Variants in KMT2D observed in about 807,000 individuals in gnomAD.
KMT2D encodes the protein lysine methyltransferase 2D.
Under a neutral mutation model 512.7 loss-of-function variants are expected in KMT2D, and 55 were observed. The observed-to-expected ratio is 0.11, with a 90% confidence interval of 0.09 to 0.13. The LOEUF (loss-of-function observed/expected upper bound fraction) is 0.13. KMT2D is among the 10% of genes least tolerant of loss of function. KMT2D has a pLI of 1.00. For missense variants in KMT2D, 6,061 were observed against 7,127.9 expected, an observed-to-expected ratio of 0.85 and a Z score of 5.39; for synonymous variants, 2,995 against 2,904.0, an observed-to-expected ratio of 1.03 and a Z score of -1.01.
At chr12:49,055,930 G>A (rs1202850962) in intron 1 of KMT2D, among the ~76,000 whole-genome samples, 7 of 152,134 alleles carry the variant, frequency 4.6e-5, no homozygotes, top group Non-Finnish European at 5.9e-5. Flanking sequence ...TTGTTTCTAC[G>A]AGGACATCAC....
In KMT2D at chr12:49,038,463, T is replaced by G. The variant is rs2120498113; in HGVS notation, c.8893A>C (p.Asn2965His). ...AGCTCAGTGCTCGACGGGGGCCGGTTGACCAGCTCCAAACCAGTTGGCAGG... is the reference window on the plus strand; with the variant it reads ...AGCTCAGTGCTCGACGGGGGCCGGTGGACCAGCTCCAAACCAGTTGGCAGG... ...PTLPTGLELV[N>H]RPPSSTELGR... Residue 2965 changes from asparagine to histidine, a missense_variant, in exon 35 of 55, where the codon AAC becomes CAC. Coordinates refer to ENST00000301067, the MANE Select transcript of KMT2D (RefSeq NM_003482.4). The surrounding 1 kb of genome is among the most constrained non-coding windows in gnomAD (Gnocchi z 5.7). 1 of 1,608,658 alleles carries G rather than the reference T, an allele frequency of 6.2e-7. No individual in the cohort carries two copies. The highest frequency in any genetic ancestry group is 8.5e-7 in the Non-Finnish European group (1 of 1,176,356).
At position 49,033,403 on chromosome 12, in the gene KMT2D, C is replaced by A; in HGVS notation, c.11302G>T (p.Ala3768Ser). 1 of 1,573,324 alleles carries A rather than the reference C, an allele frequency of 6.4e-7. No individual in the cohort carries two copies. Among genetic ancestry groups the A allele is most frequent in the Non-Finnish European group, 8.6e-7 (1 of 1,159,410 alleles). The change falls in exon 40 of 55, where the codon GCT becomes TCT. Residue 3768 changes from alanine (A) to serine (S), a missense_variant. Ala to Ser is a moderately conservative substitution (Grantham distance 99). Coordinates refer to ENST00000301067, the MANE Select transcript of KMT2D (RefSeq NM_003482.4). ...AGGCCCTGGGGCTTGGGACCCAGAG[C>A]TTGGTTTGTCTGTACTCCAGGACCC... ...QQGPGVQTNQ[A>S]LGPKPQGLMP...
In KMT2D at chr12:49,050,510, T is replaced by A. The variant is rs2120651709; in HGVS notation, c.3078A>T (p.Pro1026=). ...GGGGAACCAGGGAATGCTGAAGGAG[T>A]GGCGAACACTGAGGAGGAAGGGGCT... ...LMEPLPPQCS[P]LLQHSLVPQN... is the part of the protein sequence containing the mutation. Residue 1026 remains proline, a synonymous_variant, in exon 12 of 55, where the codon CCA becomes CCT. Transcript: ENST00000301067. 6.2e-7 allele frequency: 1 copy of A among 1,610,188 alleles called. No homozygotes were observed. The highest frequency in any genetic ancestry group is 1.1e-5 in the South Asian group (1 of 90,944).
rs1259379758 is a variant in KMT2D, at chr12:49,021,578, TGGG to T, written c.*199_*201del. On this transcript the variant is annotated 3_prime_UTR_variant, in exon 55 of 55. Coordinates refer to ENST00000301067, the MANE Select transcript of KMT2D (RefSeq NM_003482.4). The stretch of plus-strand genomic sequence containing the variant: ...GAGATGCCAGCCTGAGGGCCGGTGG[TGGG>T]GAAGAGGATTGTCCCTGGTGCCCAG... The T allele has an allele frequency of 5.4e-6, 3 of 560,114 alleles. No homozygotes were observed. In the East Asian group the frequency reaches 8.7e-5, roughly 16 times the overall value. The allele number at this position is 560,114 out of a possible 1,614,324, so 34.7% of individuals were successfully genotyped here. A position where few individuals can be genotyped will look rare whatever the true frequency, so the allele number is the denominator to read the frequency against.
rs531361015 is a variant in KMT2D at position 49,024,945 on chromosome 12, G to A, written c.15786C>T (p.Ala5262=). The change falls in exon 50 of 55, where the codon GCC becomes GCT. Residue 5262 remains alanine, a splice_region_variant and synonymous_variant. Transcript: ENST00000301067. This position sits in a 1 kb window ranked among gnomAD's most constrained non-coding sequence, Gnocchi z 4.5. ...DLVFTDASPQ[A]VWNRIIEPVA... The stretch of plus-strand genomic sequence containing the variant: ...CAGGCTCAATGATGCGATTCCACAC[G>A]GCTAAGAAGCAGGGAAGAGAGCAGT... The A allele has an allele frequency of 1.6e-5, 25 of 1,589,984 alleles. No individual in the cohort carries two copies. Among genetic ancestry groups the A allele is most frequent in the South Asian group, 8.0e-5 (7 of 87,286 alleles).
chr12:49,029,668 G>GTT (rs796401408), intron 43 of KMT2D, among the ~76,000 whole-genome samples, 192 bp from the exon 44 acceptor site: 1 of 117,438 alleles, frequency 8.5e-6, no homozygotes, highest in Admixed American at 9.6e-5. Flanking sequence ...GTTGTTTTTT[G>GTT]TTTTTTTTGT....
Position 49,031,494 on chromosome 12 carries a change from C to T in KMT2D, c.13211G>A (p.Gly4404Glu), listed in dbSNP as rs1942908145. ...LVPGHLDQVN[G>E]QVVPEASQLS... ...TTGGGATGCCTCAGGCACCACCTGT[C>T]CATTCACCTGGTCCAGATGCCCAGG... Residue 4404 changes from glycine (G) to glutamate (E), a missense_variant, in exon 40 of 55, where the codon GGA (glycine) becomes GAA (glutamate). By Grantham distance (98) the Gly-to-Glu change is moderately conservative. Around this residue, in one of 16 missense-constraint regions of KMT2D, gnomAD observed 1,600 missense variants for 1,754.9 expected, o/e 0.91. Transcript: ENST00000301067. The T allele has an allele frequency of 6.2e-7, 1 of 1,613,094 alleles. No homozygotes were observed. The highest frequency in any genetic ancestry group is 8.5e-7 in the Non-Finnish European group (1 of 1,179,656).
chr12:49,048,620 T>A (rs751121722), intron 14 of KMT2D, 39 bp downstream of exon 14: 1 of 1,343,096 alleles, frequency 7.4e-7, no homozygotes, highest in Admixed American at 1.7e-5. Flanking sequence ...AACACACACA[T>A]ACACAATGTT....
In KMT2D at chr12:49,021,596, C is replaced by T. The variant is rs1294057876; in HGVS notation, c.*184G>A. The T allele has an allele frequency of 1.7e-6, 1 of 585,738 alleles. No individual in the cohort carries two copies. Among genetic ancestry groups the T allele is most frequent in the East Asian group, 2.8e-5 (1 of 35,558 alleles). 36.3% of individuals were successfully genotyped at this position (585,738 alleles called of 1,614,324 possible). A position where few individuals can be genotyped will look rare whatever the true frequency, so the allele number is the denominator to read the frequency against. On this transcript the variant is annotated 3_prime_UTR_variant, in exon 55 of 55. Coordinates refer to ENST00000301067, the MANE Select transcript of KMT2D (RefSeq NM_003482.4). ...CCGGTGGTGGGGAAGAGGATTGTCC[C>T]TGGTGCCCAGGGTGGGCTTGGCCTA...
In KMT2D at chr12:49,038,460, G is replaced by A. The variant is rs970105771; in HGVS notation, c.8896C>T (p.Arg2966Trp). The change falls in exon 35 of 55, where the codon CGG (arginine) becomes TGG (tryptophan). Residue 2966 changes from arginine (R) to tryptophan (W), a missense_variant. Arg to Trp is a moderately radical substitution (Grantham distance 101). Around this residue, in one of 16 missense-constraint regions of KMT2D, gnomAD observed 527 missense variants for 578.9 expected, o/e 0.91. Transcript: ENST00000301067. The surrounding 1 kb of genome is among the most constrained non-coding windows in gnomAD (Gnocchi z 5.7). The stretch of plus-strand genomic sequence containing the variant: ...CCAAGCTCAGTGCTCGACGGGGGCC[G>A]GTTGACCAGCTCCAAACCAGTTGGC... ...TLPTGLELVN[R>W]PPSSTELGRP... The A allele has an allele frequency of 4.4e-6, 7 of 1,608,574 alleles. No homozygotes were observed. The highest frequency in any genetic ancestry group is 2.7e-5 in the African/African-American group (2 of 74,732).
At position 49,039,439 on chromosome 12, in the gene KMT2D, G is replaced by A; in HGVS notation, c.8225C>T (p.Thr2742Ile). ...LSRGQTPFAG[T>I]QDKSSLVGLP... is the part of the protein sequence containing the mutation. Reference sequence around the variant, plus strand: ...ATCCCTTGCCACTCTACCTACCTGTGTCCCAGCAAAGGGGGTCTGGCCTCG... The same window carrying A: ...ATCCCTTGCCACTCTACCTACCTGTATCCCAGCAAAGGGGGTCTGGCCTCG... Residue 2742 changes from threonine (T) to isoleucine (I), a missense_variant, in exon 33 of 55, where the codon ACA becomes ATA. Physicochemically the swap from Thr to Ile is moderately conservative, Grantham distance 89. Coordinates refer to ENST00000301067, the MANE Select transcript of KMT2D (RefSeq NM_003482.4). The surrounding 1 kb of genome is among the most constrained non-coding windows in gnomAD (Gnocchi z 5.0). 6.3e-7 allele frequency: 1 copy of A among 1,599,700 alleles called. No individual in the cohort carries two copies. The highest frequency in any genetic ancestry group is 8.5e-7 in the Non-Finnish European group (1 of 1,171,660).
Position 49,060,396 on chromosome 12 carries a change from G to A in KMT2D, c.-821C>T, listed in dbSNP as rs1938679243. 6.6e-6 allele frequency among the ~76,000 whole-genome samples: 1 copy of A among 151,954 alleles called. No individual in the cohort carries two copies. The highest frequency in any genetic ancestry group is 1.5e-5 in the Non-Finnish European group (1 of 67,928). Reference sequence around the variant, plus strand: ...CCCTTCCCCTCTGGCCTCGGGAGCTGCCCCGCCCCCGGCCTGGCCGGCTCT... The same window carrying A: ...CCCTTCCCCTCTGGCCTCGGGAGCTACCCCGCCCCCGGCCTGGCCGGCTCT... On this transcript the variant is annotated 5_prime_UTR_variant, in exon 1 of 55. Coordinates refer to ENST00000301067, the MANE Select transcript of KMT2D (RefSeq NM_003482.4).
chr12:49,026,854 C>T lies in KMT2D; in HGVS notation c.15112G>A (p.Glu5038Lys), dbSNP rs758104342. 1 of 1,614,000 alleles carries T rather than the reference C, an allele frequency of 6.2e-7. No individual in the cohort carries two copies. Among genetic ancestry groups the T allele is most frequent in the Non-Finnish European group, 8.5e-7 (1 of 1,179,882 alleles). ...DMRRCCFCHE[E>K]GDGATDGPAR... ...GGCCCATCAGTGGCCCCGTCACCCT[C>T]CTCATGACAGAAACAGCAGCGACGC... The change falls in exon 49 of 55, where the codon GAG (glutamate) becomes AAG (lysine). Residue 5038 changes from glutamate (E) to lysine (K), a missense_variant. By Grantham distance (56) the Glu-to-Lys change is moderately conservative. Transcript: ENST00000301067. The surrounding 1 kb of genome is among the most constrained non-coding windows in gnomAD (Gnocchi z 9.6).
chr12:49,048,568 A>G, intron 14 of KMT2D, 91 bp downstream of exon 14: 2 of 756,104 alleles, frequency 2.6e-6, no homozygotes, highest in South Asian at 3.2e-5. Flanking sequence ...TTAGCTGGGT[A>G]TCCCCAAAGT....
At chr12:49,058,343 C>A (rs1938535873) in intron 1 of KMT2D, among the ~76,000 whole-genome samples, 1 of 152,228 alleles carries the variant, frequency 6.6e-6, no homozygotes. Context: ...CACTCCACTA[C>A]CCCTGTGCCA....
rs2120597309 is a variant in KMT2D, at chr12:49,045,972, G to T, written c.4694-5C>A. The T allele has an allele frequency of 6.2e-7, 1 of 1,613,978 alleles. No homozygotes were observed. The stretch of plus-strand genomic sequence containing the variant: ...GCTCTGGAGGTGCAACAGGCGCTAT[G>T]GAGAGAAGGACAAACGGAGGTGGCT... On this transcript the variant is annotated splice_region_variant and splice_polypyrimidine_tract_variant and intron_variant, in intron 18 of 54. Coordinates refer to ENST00000301067, the MANE Select transcript of KMT2D (RefSeq NM_003482.4).
intron 43 of KMT2D, 61 bp from the exon 44 acceptor site, chr12:49,029,537 C>T: frequency 7.9e-7 from 1 of 1,265,914 alleles, no homozygotes; most frequent in Non-Finnish European, 1.1e-6. Context: ...ATGGTACCTT[C>T]TCCCAATATT....
chr12:49,056,350 G>A (rs1938409090), intron 1 of KMT2D, among the ~76,000 whole-genome samples: 2 of 152,108 alleles, frequency 1.3e-5, no homozygotes. Flanking sequence ...ATGCGTGCCT[G>A]TATCAGAGCC....
At chr12:49,053,417 C>T (rs2120695800) in intron 7 of KMT2D, 59 bp downstream of exon 7, 1 of 1,609,770 alleles carries the variant, frequency 6.2e-7, no homozygotes, top group East Asian at 2.2e-5. Context: ...CGACTGCCCT[C>T]ATTTTCAACC....
Sources: allele counts gnomAD v4.1 joint callset (sites outside exome capture counted in the v4.1 genomes callset), GRCh38; gene constraint gnomAD v4.1.1; regional missense constraint gnomAD v4.1.1; non-coding constraint Gnocchi (gnomAD v3.1); transcripts MANE v1.5; gene names NCBI Gene and HGNC (gene_info 2026-07-23, HGNC 2026-07-21).